Variants in SPOPL observed in about 807,000 individuals in gnomAD.
The protein encoded by SPOPL is speckle type BTB/POZ protein like, also known as speckle-type POZ protein-like.
In SPOPL, 23 loss-of-function variants were observed where a neutral mutation model predicts 53.8. That is an observed-to-expected ratio of 0.43 (90% CI 0.31 to 0.61). The LOEUF (loss-of-function observed/expected upper bound fraction) is 0.61. SPOPL is among the 20% of genes least tolerant of loss of function. The probability of loss-of-function intolerance (pLI) is 0.12; values close to 1 mark genes in which losing one functional copy is unlikely to be tolerated. For synonymous variants in SPOPL, 164 were observed against 149.7 expected, an observed-to-expected ratio of 1.10 and a Z score of -0.70; for missense variants, 442 against 466.9, an observed-to-expected ratio of 0.95 and a Z score of 0.49.
chr2:138,564,919 A>T, intron 9 of SPOPL, 21 bp from the exon 10 acceptor site: 1 of 1,613,790 alleles, frequency 6.2e-7, no homozygotes, highest in South Asian at 1.1e-5. Context: ...TTTTTTAAGT[A>T]TGTTTAAATC....
At chr2:138,539,860 T>A (rs1299811683) in intron 1 of SPOPL, among the ~76,000 whole-genome samples, 2 of 152,236 alleles carry the variant, frequency 1.3e-5, no homozygotes, top group African/African-American at 4.8e-5. Flanking sequence ...CTAGGTTTTC[T>A]TCTAGGGTTT....
At chr2:138,552,839 A>G (rs1339015851) in intron 5 of SPOPL, among the ~76,000 whole-genome samples, 158 bp downstream of exon 5, 1 of 152,080 alleles carries the variant, frequency 6.6e-6, no homozygotes, top group Non-Finnish European at 1.5e-5. Flanking sequence ...AATTCTTGAC[A>G]CAAATCAGTG....
At chr2:138,532,750 G>A (rs534911314) in intron 1 of SPOPL, among the ~76,000 whole-genome samples, 35 of 151,868 alleles carry the variant, frequency 2.3e-4, no homozygotes, top group Admixed American at 2.0e-3. Context: ...CCTTGTTTTC[G>A]TTTTTTACTT....
intron 8 of SPOPL, 57 bp from the exon 9 acceptor site, chr2:138,564,651 G>A: frequency 1.9e-6 from 3 of 1,588,602 alleles, no homozygotes; most frequent in Non-Finnish European, 2.6e-6. Context: ...AATGTATCAT[G>A]TATTCAGGAA....
intron 1 of SPOPL, among the ~76,000 whole-genome samples, chr2:138,521,227 A>G (rs1684549513): frequency 1.3e-5 from 2 of 152,218 alleles, no homozygotes; most frequent in Admixed American, 1.3e-4. Flanking sequence ...CTTATGGTGG[A>G]ACTGGACAGA....
intron 1 of SPOPL, among the ~76,000 whole-genome samples, chr2:138,503,063 G>A (rs1431134514): frequency 2.6e-5 from 4 of 152,078 alleles, no homozygotes; most frequent in African/African-American, 9.7e-5. Context: ...ACTGTTTCTT[G>A]GACTAGAAAC....
chr2:138,536,554 C>A (rs1684940808), intron 1 of SPOPL, among the ~76,000 whole-genome samples: 1 of 152,224 alleles, frequency 6.6e-6, no homozygotes, highest in Non-Finnish European at 1.5e-5. Context: ...TCTGCAGACT[C>A]ATCAACTTTG....
At chr2:138,544,231 G>T (rs1318602717) in intron 1 of SPOPL, among the ~76,000 whole-genome samples, 3 of 152,210 alleles carry the variant, frequency 2.0e-5, no homozygotes, top group Non-Finnish European at 4.4e-5. Context: ...CCAGCTGCGT[G>T]CTGGGAGAAC....
chr2:138,558,871 T>G (rs1459046858), intron 5 of SPOPL, 151 bp from the exon 6 acceptor site: 3 of 498,232 alleles, frequency 6.0e-6, no homozygotes, highest in Non-Finnish European at 9.8e-6. Flanking sequence ...AATTGTGTTT[T>G]TAATTTCAGT....
rs574577730 is a variant in SPOPL at position 138,556,926 on chromosome 2, G to C, written c.481-2096G>C. 2.6e-5 allele frequency among the ~76,000 whole-genome samples: 4 copies of C among 152,290 alleles called. No homozygotes were observed. The East Asian group carries it at 7.7e-4, about 29-fold the overall frequency. ...AATCCCAGCACTTTGGGAGGCTGAG[G>C]CGGGTAGATCACGAGGTCAAGAGAT... On this transcript the variant is annotated intron_variant, in intron 5 of 10. Transcript: ENST00000280098.
In SPOPL at chr2:138,560,888, T is replaced by A; in HGVS notation, c.798T>A (p.Leu266=). 6.2e-7 allele frequency: 1 copy of A among 1,611,170 alleles called. No homozygotes were observed. Among genetic ancestry groups the A allele is most frequent in the Non-Finnish European group, 8.5e-7 (1 of 1,179,052 alleles). The part of the protein sequence containing the change: ...RFIYTGRAPN[L]DKMADNLLAA... ...TTTACACAGGGAGAGCACCAAACCT[T>A]GACAAAATGGCTGACAACTTGTTGG... The change falls in exon 8 of 11, where the codon CTT becomes CTA. Residue 266 remains leucine, a synonymous_variant. Transcript: ENST00000280098.
At chr2:138,541,472 GA>G (rs2104883124) in intron 1 of SPOPL, among the ~76,000 whole-genome samples, 1 of 151,602 alleles carries the variant, frequency 6.6e-6, no homozygotes, top group East Asian at 1.9e-4. Context: ...TTAGTCTTGG[GA>G]GGGTGTATGT....
rs1267435607 is a variant in SPOPL, at chr2:138,517,757, T to C, written c.-61+15638T>C. Among the ~76,000 whole-genome samples, 4 of 142,314 alleles carry C rather than the reference T, an allele frequency of 2.8e-5. No individual in the cohort carries two copies. The East Asian group carries it at 8.6e-4, about 31-fold the overall frequency. 93.4% of individuals were successfully genotyped at this position (142,314 alleles called of 152,430 possible). A position where few individuals can be genotyped will look rare whatever the true frequency, so the allele number is the denominator to read the frequency against. Reference sequence around the variant, plus strand: ...CCGTCTCAAAAAAAAAAAAAAAATCTGACCTAGGCCAGGGCACGGTGGCTC... The same window carrying C: ...CCGTCTCAAAAAAAAAAAAAAAATCCGACCTAGGCCAGGGCACGGTGGCTC... On this transcript the variant is annotated intron_variant, in intron 1 of 10. Transcript: ENST00000280098.
At chr2:138,535,653 C>T (rs1361421444) in intron 1 of SPOPL, among the ~76,000 whole-genome samples, 2 of 147,498 alleles carry the variant, frequency 1.4e-5, no homozygotes, top group African/African-American at 2.5e-5. Context: ...TGATTGAGCT[C>T]CTTAAATGTG....
chr2:138,510,238 G>A (rs936934138), intron 1 of SPOPL, among the ~76,000 whole-genome samples: 17 of 152,208 alleles, frequency 1.1e-4, no homozygotes, highest in African/African-American at 4.1e-4. Context: ...AAATACCAAG[G>A]ACCATGATTG....
intron 1 of SPOPL, among the ~76,000 whole-genome samples, chr2:138,518,554 G>C (rs971770597): frequency 6.6e-6 from 1 of 152,162 alleles, no homozygotes; most frequent in African/African-American, 2.4e-5. Context: ...ATACATTTCA[G>C]TGAGTTTCGA....
intron 1 of SPOPL, among the ~76,000 whole-genome samples, chr2:138,543,959 C>T (rs1223534937): frequency 6.6e-6 from 1 of 152,210 alleles, no homozygotes. Context: ...ACAGTCAGGA[C>T]CCTCAGCTGC....
chr2:138,540,085 G>A (rs752208234), intron 1 of SPOPL, among the ~76,000 whole-genome samples: 71 of 152,248 alleles, frequency 4.7e-4, no homozygotes, highest in Middle Eastern at 3.4e-3. Flanking sequence ...TGAGGGCTCT[G>A]TTCTGTTCCG....
chr2:138,529,909 G>A (rs1438743286), intron 1 of SPOPL, among the ~76,000 whole-genome samples: 3 of 151,970 alleles, frequency 2.0e-5, no homozygotes, highest in Non-Finnish European at 2.9e-5. Flanking sequence ...AGATTATTTC[G>A]TTACCCAGGT....
Sources: allele counts gnomAD v4.1 joint callset (sites outside exome capture counted in the v4.1 genomes callset), GRCh38; gene constraint gnomAD v4.1.1; transcripts MANE v1.5; gene names NCBI Gene and HGNC (gene_info 2026-07-23, HGNC 2026-07-21).